The following VCAN variants were observed in gnomAD, a reference collection of about 807,000 sequenced individuals.
VCAN encodes versican.
A neutral mutation model predicts 245.5 loss-of-function variants in VCAN; 44 were observed. That is an observed-to-expected ratio of 0.18 (90% CI 0.14 to 0.23). The LOEUF is 0.23. Ranked by LOEUF, VCAN falls within the 10% of genes least tolerant of loss-of-function variation. The pLI is 1.00. For missense variants in VCAN, 3,793 were observed against 4,057.9 expected (o/e 0.93, Z 1.77); for synonymous variants, 1,413 against 1,437.0 (o/e 0.98, Z 0.38).
Position 83,521,130 on chromosome 5 carries a change from C to G in VCAN, c.2824C>G (p.Gln942Glu). The G allele has an allele frequency of 6.2e-7, 1 of 1,614,066 alleles. No individual in the cohort carries two copies. The highest frequency in any genetic ancestry group is 8.5e-7 in the Non-Finnish European group (1 of 1,179,988). ...CTCTAAGCCAGTATCTACTGTTCCC[C>G]AATTTGCACACACTTCAGAGGTGGA... ...DLSKPVSTVPQFAHTSEVEGL... is the reference protein window; with the variant it reads ...DLSKPVSTVPEFAHTSEVEGL... The change falls in exon 7 of 15, where the codon CAA (glutamine) becomes GAA (glutamate). Residue 942 changes from glutamine (Q) to glutamate (E), a missense_variant. Gln to Glu is a conservative substitution (Grantham distance 29). This residue lies in a region of VCAN where 3,182 missense variants were observed against 3,250.3 expected (regional missense o/e 0.98). Transcript: ENST00000265077.
At chr5:83,472,836 C>T (rs532997280) in intron 1 of VCAN, among the ~76,000 whole-genome samples, 2 of 152,168 alleles carry the variant, frequency 1.3e-5, no homozygotes, top group African/African-American at 2.4e-5. Context: ...GCGGGAAAAG[C>T]CTGTTCTGAA....
chr5:83,561,066 C>T (rs111573640), intron 12 of VCAN, among the ~76,000 whole-genome samples: 109 of 152,218 alleles, frequency 7.2e-4, no homozygotes, highest in African/African-American at 2.6e-3. Context: ...TATTCCTAAA[C>T]ATTTTAAAAA....
At chr5:83,573,099 C>G (rs545990947) in intron 13 of VCAN, among the ~76,000 whole-genome samples, 1 of 151,722 alleles carries the variant, frequency 6.6e-6, no homozygotes, top group Admixed American at 6.6e-5. Flanking sequence ...GGGGTTTCAC[C>G]GTGTTAGCCA....
At chr5:83,561,710 A>G (rs1316857231) in intron 12 of VCAN, among the ~76,000 whole-genome samples, 3 of 152,314 alleles carry the variant, frequency 2.0e-5, no homozygotes, top group East Asian at 1.9e-4. Flanking sequence ...GGTAGAAACA[A>G]TAAAGAAATA....
chr5:83,553,643 C>T, intron 11 of VCAN, 121 bp downstream of exon 11: 1 of 1,322,988 alleles, frequency 7.6e-7, no homozygotes, highest in South Asian at 1.3e-5. Flanking sequence ...TCAAATCCCT[C>T]ATCTGTGAAT....
At chr5:83,502,791 CT>C (rs1233019891) in intron 5 of VCAN, among the ~76,000 whole-genome samples, 1 of 152,140 alleles carries the variant, frequency 6.6e-6, no homozygotes, top group African/African-American at 2.4e-5. Flanking sequence ...ATTTTTAAAA[CT>C]CAAAGCATAT....
intron 5 of VCAN, among the ~76,000 whole-genome samples, chr5:83,509,032 A>AAAAG (rs758201936): frequency 8.6e-5 from 13 of 150,970 alleles, no homozygotes; most frequent in East Asian, 2.0e-4. Flanking sequence ...ATCTTTTTTG[A>AAAAG]AAAGAAAGAA....
intron 11 of VCAN, 77 bp downstream of exon 11, chr5:83,553,599 AAAG>A (rs1747555602): frequency 6.3e-7 from 1 of 1,589,348 alleles, no homozygotes. Flanking sequence ...GTGCAAGTGA[AAAG>A]AAGTAGCTTT....
At chr5:83,544,269 G>T (rs1580052302) in intron 8 of VCAN, among the ~76,000 whole-genome samples, 1 of 152,174 alleles carries the variant, frequency 6.6e-6, no homozygotes. Flanking sequence ...TAGAAAACTC[G>T]GGGGAGTTTT....
chr5:83,555,111 C>A, intron 12 of VCAN, 73 bp downstream of exon 12: 1 of 1,464,158 alleles, frequency 6.8e-7, no homozygotes, highest in Non-Finnish European at 9.6e-7. Flanking sequence ...TTGTGCATTA[C>A]AGAGGGTGCA....
chr5:83,500,056 A>C (rs2112369558), intron 5 of VCAN, among the ~76,000 whole-genome samples: 1 of 152,234 alleles, frequency 6.6e-6, no homozygotes, highest in Middle Eastern at 3.4e-3. Context: ...AGATTCTCAG[A>C]TTGCCTATTA....
chr5:83,545,205 G>A, intron 8 of VCAN: 1 of 416,066 alleles, frequency 2.4e-6, no homozygotes. Flanking sequence ...GTGCACATAT[G>A]TGTAATCATT....
Position 83,538,558 on chromosome 5 carries a change from T to A in VCAN, c.5555T>A (p.Phe1852Tyr). 1 of 1,613,984 alleles carries A rather than the reference T, an allele frequency of 6.2e-7. No individual in the cohort carries two copies. The change falls in exon 8 of 15, where the codon TTT (phenylalanine) becomes TAT (tyrosine). Residue 1852 changes from phenylalanine (F) to tyrosine (Y), a missense_variant. Phe to Tyr is a conservative substitution (Grantham distance 22). This residue lies in a region of VCAN where 3,182 missense variants were observed against 3,250.3 expected (regional missense o/e 0.98). Coordinates refer to ENST00000265077, the MANE Select transcript of VCAN (RefSeq NM_004385.5). ...CCAGAAACCACCACTGTTTCTTCATTTTCATTAAACGTAGAGTATGCAATT... is the reference window on the plus strand; with the variant it reads ...CCAGAAACCACCACTGTTTCTTCATATTCATTAAACGTAGAGTATGCAATT... ...ADPETTTVSS[F>Y]SLNVEYAIQA... is the part of the protein sequence containing the mutation.
At chr5:83,480,523 GAGTTTCAA>G (rs2112337848) in intron 1 of VCAN, among the ~76,000 whole-genome samples, 1 of 152,290 alleles carries the variant, frequency 6.6e-6, no homozygotes, top group South Asian at 2.1e-4. Context: ...TGTTGGCACG[GAGTTTCAA>G]AGGTGTTTCT....
At chr5:83,481,244 C>CT (rs202012593) in intron 1 of VCAN, among the ~76,000 whole-genome samples, 2,074 of 132,460 alleles carry the variant, frequency 0.016, 20 homozygotes, top group East Asian at 0.022. Context: ...TCTTTAATTT[C>CT]TTTTTTTTTT....
chr5:83,520,149 A>C lies in VCAN; in HGVS notation c.1843A>C (p.Asn615His). 2 of 1,614,064 alleles carry C rather than the reference A, an allele frequency of 1.2e-6. No homozygotes were observed. Among genetic ancestry groups the C allele is most frequent in the East Asian group, 4.5e-5 (2 of 44,866 alleles). ...TTCCCCTTTAATTATGCCTGATAATAATGGATCATCCATGGATGACTGGGA... is the reference window on the plus strand; with the variant it reads ...TTCCCCTTTAATTATGCCTGATAATCATGGATCATCCATGGATGACTGGGA... ...TVSPLIMPDN[N>H]GSSMDDWEER... Residue 615 changes from asparagine to histidine, a missense_variant, in exon 7 of 15, where the codon AAT (asparagine) becomes CAT (histidine). Physicochemically the swap from Asn to His is moderately conservative, Grantham distance 68. Around this residue, in one of 5 missense-constraint regions of VCAN, gnomAD observed 3,182 missense variants for 3,250.3 expected, o/e 0.98. Transcript: ENST00000265077.
intron 10 of VCAN, among the ~76,000 whole-genome samples, chr5:83,553,113 T>C (rs1241178739): frequency 6.6e-6 from 1 of 152,228 alleles, no homozygotes; most frequent in East Asian, 1.9e-4. Flanking sequence ...CAGTTTTCTC[T>C]GGCTTTAATC....
rs1171808787 is a variant in VCAN at position 83,537,877 on chromosome 5, G to A, written c.4874G>A (p.Arg1625Lys). 6.2e-7 allele frequency: 1 copy of A among 1,614,008 alleles called. No individual in the cohort carries two copies. Reference sequence around the variant, plus strand: ...GAAAGCTGGGTAGAAGCAACTCCTAGACAAGTTGTAGAGCTCTCAGGGAGT... The same window carrying A: ...GAAAGCTGGGTAGAAGCAACTCCTAAACAAGTTGTAGAGCTCTCAGGGAGT... Reference protein sequence around the residue: ...TKESWVEATPRQVVELSGSSS... With the variant: ...TKESWVEATPKQVVELSGSSS... The change falls in exon 8 of 15, where the codon AGA becomes AAA. Residue 1625 changes from arginine (R) to lysine (K), a missense_variant. Transcript: ENST00000265077.
In VCAN at chr5:83,520,561, T is replaced by G. The variant is rs1226863763; in HGVS notation, c.2255T>G (p.Leu752Trp). 5 of 1,613,880 alleles carry G rather than the reference T, an allele frequency of 3.1e-6. No individual in the cohort carries two copies. In the African/African-American group the frequency reaches 6.7e-5, roughly 22 times the overall value. Reference protein sequence around the residue: ...EMTKSFDFPTLITKLSAEPTE... With the variant: ...EMTKSFDFPTWITKLSAEPTE... Reference sequence around the variant, plus strand: ...ACCAAGTCTTTTGATTTCCCAACATTGATAACAAAGTTAAGTGCAGAGCCA... The same window carrying G: ...ACCAAGTCTTTTGATTTCCCAACATGGATAACAAAGTTAAGTGCAGAGCCA... Residue 752 changes from leucine to tryptophan, a missense_variant, in exon 7 of 15, where the codon TTG becomes TGG. Leu to Trp is a moderately conservative substitution (Grantham distance 61). This residue lies in a region of VCAN where 3,182 missense variants were observed against 3,250.3 expected (regional missense o/e 0.98). Transcript: ENST00000265077.
Sources: allele counts gnomAD v4.1 joint callset (sites outside exome capture counted in the v4.1 genomes callset), GRCh38; gene constraint gnomAD v4.1.1; regional missense constraint gnomAD v4.1.1; transcripts MANE v1.5; gene names NCBI Gene and HGNC (gene_info 2026-07-23, HGNC 2026-07-21).